SLC25A12: variants seen among roughly 807,000 people sequenced by gnomAD.
The protein encoded by SLC25A12 is electrogenic aspartate/glutamate antiporter SLC25A12, mitochondrial.
SLC25A12 carries 32 observed loss-of-function variants against 83.3 expected under a neutral mutation model. The ratio of observed to expected loss-of-function variants is 0.38; its 90% CI spans 0.29 to 0.52. SLC25A12 has a LOEUF of 0.52. SLC25A12 is among the 20% of genes least tolerant of loss of function. The pLI, the probability that SLC25A12 is intolerant of heterozygous loss-of-function variation, is 0.84. For synonymous variants in SLC25A12, 267 were observed against 291.1 expected, an observed-to-expected ratio of 0.92 and a Z score of 0.84; for missense variants, 611 against 835.6, an observed-to-expected ratio of 0.73 and a Z score of 3.31.
chr2:171,787,830 A>C lies in SLC25A12; in HGVS notation c.1703T>G (p.Leu568Arg). ...AAATGCTGAGGGCCCTTCTTCCCGGAGAATCTTCCTGAAACAGTCGATGAC... is the reference window on the plus strand; with the variant it reads ...AAATGCTGAGGGCCCTTCTTCCCGGCGAATCTTCCTGAAACAGTCGATGAC... ...SGVIDCFRKI[L>R]REEGPSAFWK... The change falls in exon 16 of 18, where the codon CTC (leucine) becomes CGC (arginine). Residue 568 changes from leucine to arginine, a missense_variant. Leu to Arg is a moderately radical substitution (Grantham distance 102). Coordinates refer to ENST00000422440, the MANE Select transcript of SLC25A12 (RefSeq NM_003705.5). 1 of 1,614,228 alleles carries C rather than the reference A, an allele frequency of 6.2e-7. No homozygotes were observed. Among genetic ancestry groups the C allele is most frequent in the South Asian group, 1.1e-5 (1 of 91,082 alleles).
At position 171,789,508 on chromosome 2, in the gene SLC25A12, A is replaced by G. The variant is rs548278028; in HGVS notation, c.1586-1561T>C. Among the ~76,000 whole-genome samples the G allele has an allele frequency of 2.2e-3, 332 of 152,256 alleles. 2 individuals are homozygous for G. The South Asian group carries it at 0.027, about 13-fold the overall frequency. On this transcript the variant is annotated intron_variant, in intron 15 of 17. Coordinates refer to ENST00000422440, the MANE Select transcript of SLC25A12 (RefSeq NM_003705.5). ...CTCCCAAAGTGCTGGGATTACAGGA[A>G]TGAGCCACCAAGCTCGGCCTCAGCC...
At chr2:171,791,386 A>G (rs1411460057) in intron 15 of SLC25A12, 65 bp downstream of exon 15, 2 of 1,324,248 alleles carry the variant, frequency 1.5e-6, no homozygotes, top group East Asian at 2.3e-5. Context: ...GGGAAAGTAC[A>G]TAGAGATTCT....
intron 2 of SLC25A12, among the ~76,000 whole-genome samples, chr2:171,869,310 C>A (rs911857290): frequency 6.6e-6 from 1 of 152,030 alleles, no homozygotes; most frequent in African/African-American, 2.4e-5. Flanking sequence ...GAATTGTATA[C>A]GTTAAAATGG....
intron 3 of SLC25A12, among the ~76,000 whole-genome samples, chr2:171,867,470 A>G (rs2105916461): frequency 6.6e-6 from 1 of 152,302 alleles, no homozygotes; most frequent in East Asian, 1.9e-4. Flanking sequence ...GTCTCCACCA[A>G]AAAAATACGA....
intron 4 of SLC25A12, among the ~76,000 whole-genome samples, chr2:171,847,959 A>G (rs947681273): frequency 1.3e-5 from 2 of 152,258 alleles, no homozygotes; most frequent in Non-Finnish European, 2.9e-5. Flanking sequence ...GATGTGTAAC[A>G]TTAGTCAGTT....
intron 2 of SLC25A12, among the ~76,000 whole-genome samples, chr2:171,885,763 G>A (rs922357452): frequency 2.0e-5 from 3 of 152,040 alleles, no homozygotes; most frequent in Non-Finnish European, 4.4e-5. Context: ...AATTATAATA[G>A]CATGGTTAAT....
At chr2:171,870,881 C>G (rs1163784676) in intron 2 of SLC25A12, among the ~76,000 whole-genome samples, 1 of 152,132 alleles carries the variant, frequency 6.6e-6, no homozygotes, top group African/African-American at 2.4e-5. Context: ...ATTTGTGGAT[C>G]TGACTAAACA....
intron 4 of SLC25A12, among the ~76,000 whole-genome samples, chr2:171,855,198 CTT>C (rs1294105676): frequency 6.6e-6 from 1 of 152,122 alleles, no homozygotes; most frequent in Non-Finnish European, 1.5e-5. Flanking sequence ...AAAAAAGTAT[CTT>C]TAATATATGG....
chr2:171,784,075 G>T lies in SLC25A12; in HGVS notation c.*1199C>A, dbSNP rs1443380091. 1.3e-5 allele frequency among the ~76,000 whole-genome samples: 2 copies of T among 151,694 alleles called. No individual in the cohort carries two copies. The highest frequency in any genetic ancestry group is 2.4e-5 in the African/African-American group (1 of 41,254). On this transcript the variant is annotated 3_prime_UTR_variant, in exon 18 of 18. Coordinates refer to ENST00000422440, the MANE Select transcript of SLC25A12 (RefSeq NM_003705.5). Reference sequence around the variant, plus strand: ...ATCAAAGTGTAGATGTGGCTGTCAAGATCTATGTTTAGATCCAAATTAGTA... The same window carrying T: ...ATCAAAGTGTAGATGTGGCTGTCAATATCTATGTTTAGATCCAAATTAGTA...
intron 3 of SLC25A12, among the ~76,000 whole-genome samples, chr2:171,861,507 A>G (rs1685158693): frequency 6.6e-6 from 1 of 152,188 alleles, no homozygotes; most frequent in Non-Finnish European, 1.5e-5. Context: ...CCTGGGTTCA[A>G]GTGATCCTCC....
chr2:171,868,382 C>T lies in SLC25A12; in HGVS notation c.209+299G>A, dbSNP rs376683729. Among the ~76,000 whole-genome samples the T allele has an allele frequency of 5.1e-4, 73 of 144,422 alleles. No individual in the cohort carries two copies. The East Asian group carries it at 0.01, about 21-fold the overall frequency. The allele number at this position is 144,422 out of a possible 152,430, so 94.7% of individuals were successfully genotyped here. On this transcript the variant is annotated intron_variant, in intron 3 of 17. Transcript: ENST00000422440. ...AGGCTGAAGTGCAGCAGCTCGATCT[C>T]GGCGCACCACAACCTCCACCTCCCG...
chr2:171,799,789 A>G (rs1683672365), intron 13 of SLC25A12, among the ~76,000 whole-genome samples: 1 of 152,240 alleles, frequency 6.6e-6, no homozygotes, highest in Non-Finnish European at 1.5e-5. Flanking sequence ...GCAAGACACA[A>G]AGGGAAAGAA....
At chr2:171,825,626 C>T (rs1159366429) in intron 9 of SLC25A12, among the ~76,000 whole-genome samples, 14 of 152,142 alleles carry the variant, frequency 9.2e-5, no homozygotes, top group South Asian at 2.1e-4. Context: ...CTCCCCACGT[C>T]GCCTTGCCTA....
intron 4 of SLC25A12, among the ~76,000 whole-genome samples, chr2:171,854,273 A>C (rs142374266): frequency 1.6e-3 from 243 of 152,304 alleles, no homozygotes; most frequent in Non-Finnish European, 2.6e-3. Flanking sequence ...AAATCTAAAT[A>C]ACTCTGCATA....
chr2:171,893,262 T>A lies in SLC25A12; in HGVS notation c.13-4A>T, dbSNP rs762205323. 6.2e-7 allele frequency: 1 copy of A among 1,613,810 alleles called. No individual in the cohort carries two copies. The highest frequency in any genetic ancestry group is 2.2e-5 in the East Asian group (1 of 44,852). On this transcript the variant is annotated splice_polypyrimidine_tract_variant and splice_region_variant and intron_variant, in intron 1 of 17. Transcript: ENST00000422440. ...CCCCTCGCTTAGTTGTCTGCACCTG[T>A]AAGCAAAAAAGAAAAAAAAGCCAGT...
chr2:171,825,515 C>T (rs1347880140), intron 9 of SLC25A12, among the ~76,000 whole-genome samples: 1 of 152,214 alleles, frequency 6.6e-6, no homozygotes, highest in Non-Finnish European at 1.5e-5. Context: ...AATGTGGCAG[C>T]AATGAAGAAA....
chr2:171,837,080 T>C (rs199562560), intron 6 of SLC25A12, 41 bp downstream of exon 6: 23 of 1,607,138 alleles, frequency 1.4e-5, no homozygotes, highest in Non-Finnish European at 1.9e-5. Flanking sequence ...GATCAAAAGG[T>C]TTGAGGAAAT....
In SLC25A12 at chr2:171,783,834, T is replaced by C. The variant is rs978786969; in HGVS notation, c.*1440A>G. ...CTAATTCTTTTGTTCCTGGAGGGCC[T>C]CCAGGGAGCCTACAGTTGCAGTCAC... On this transcript the variant is annotated 3_prime_UTR_variant, in exon 18 of 18. Transcript: ENST00000422440. Among the ~76,000 whole-genome samples, 1 of 152,214 alleles carries C rather than the reference T, an allele frequency of 6.6e-6. No individual in the cohort carries two copies. Among genetic ancestry groups the C allele is most frequent in the Non-Finnish European group, 1.5e-5 (1 of 68,038 alleles).
intron 1 of SLC25A12, among the ~76,000 whole-genome samples, chr2:171,893,690 C>T (rs1248409449): frequency 6.6e-6 from 1 of 152,162 alleles, no homozygotes; most frequent in South Asian, 2.1e-4. Context: ...ATTATCTCCG[C>T]GTCCCTCTCC....
Sources: allele counts gnomAD v4.1 joint callset (sites outside exome capture counted in the v4.1 genomes callset), GRCh38; gene constraint gnomAD v4.1.1; transcripts MANE v1.5; gene names NCBI Gene and HGNC (gene_info 2026-07-23, HGNC 2026-07-21).